Variants in ALK observed in about 807,000 individuals in gnomAD.
The protein encoded by ALK is ALK tyrosine kinase receptor.
In ALK, 74 loss-of-function variants were observed where a neutral mutation model predicts 163.1. The ratio of observed to expected loss-of-function variants is 0.45; its 90% CI spans 0.38 to 0.55. The LOEUF (loss-of-function observed/expected upper bound fraction) is 0.55, where lower values mean the gene tolerates loss of function less well. ALK is among the 20% of genes least tolerant of loss of function. The pLI, the probability that ALK is intolerant of heterozygous loss-of-function variation, is 0.00. For synonymous variants in ALK, 960 were observed against 843.2 expected (o/e 1.14, Z -2.40); for missense variants, 2,063 against 2,105.3 (o/e 0.98, Z 0.39).
At chr2:29,514,871 G>T (rs191172761) in intron 4 of ALK, among the ~76,000 whole-genome samples, 341 of 152,172 alleles carry the variant, frequency 2.2e-3, no homozygotes, top group African/African-American at 7.7e-3. Flanking sequence ...TGCTGCAAAG[G>T]TCTGGGGTTC....
intron 4 of ALK, among the ~76,000 whole-genome samples, chr2:29,445,141 C>T (rs1054564676): frequency 6.6e-6 from 1 of 152,208 alleles, no homozygotes. Flanking sequence ...AAAATCTGGC[C>T]TGACCTGCAC....
intron 28 of ALK, 48 bp from the exon 29 acceptor site, chr2:29,193,970 T>G: frequency 6.4e-7 from 1 of 1,573,996 alleles, no homozygotes; most frequent in African/African-American, 1.3e-5. Context: ...ACAAAAAATG[T>G]TGGATCTAGA....
At chr2:29,910,474 A>G (rs369220527) in intron 1 of ALK, among the ~76,000 whole-genome samples, 37 of 152,338 alleles carry the variant, frequency 2.4e-4, no homozygotes, top group African/African-American at 8.4e-4. Flanking sequence ...GATGAAAAAT[A>G]TAAAGAGAAC....
intron 5 of ALK, among the ~76,000 whole-genome samples, chr2:29,375,608 C>A (rs1668735841): frequency 6.6e-6 from 1 of 152,090 alleles, no homozygotes; most frequent in Non-Finnish European, 1.5e-5. Context: ...TGAGCCACTG[C>A]GCCTGGCCTA....
chr2:29,708,384 C>A (rs957602514), intron 2 of ALK, among the ~76,000 whole-genome samples: 9 of 152,274 alleles, frequency 5.9e-5, no homozygotes, highest in African/African-American at 2.2e-4. Flanking sequence ...AAGATTTAAA[C>A]AGGCAATGCA....
At chr2:29,835,713 T>C (rs1665541144) in intron 1 of ALK, among the ~76,000 whole-genome samples, 1 of 152,178 alleles carries the variant, frequency 6.6e-6, no homozygotes, top group African/African-American at 2.4e-5. Flanking sequence ...ATGTGGGTGG[T>C]ATCCCCCATA....
intron 25 of ALK, 127 bp downstream of exon 25, chr2:29,209,659 G>A: frequency 1.4e-6 from 1 of 693,826 alleles, no homozygotes. Context: ...AAGGAACTTA[G>A]TGAAATTTTA....
chr2:29,900,086 C>G (rs541866086), intron 1 of ALK, among the ~76,000 whole-genome samples: 7 of 152,370 alleles, frequency 4.6e-5, no homozygotes, highest in African/African-American at 7.2e-5. Flanking sequence ...CTGACCTGAC[C>G]TGAGAGCATT....
intron 1 of ALK, among the ~76,000 whole-genome samples, chr2:29,889,088 CTT>C (rs1294400913): frequency 6.6e-6 from 1 of 152,134 alleles, no homozygotes; most frequent in Non-Finnish European, 1.5e-5. Context: ...CAAAAAGTGA[CTT>C]TGAATATAAA....
At chr2:29,559,540 A>C (rs1407822449) in intron 3 of ALK, among the ~76,000 whole-genome samples, 1 of 152,192 alleles carries the variant, frequency 6.6e-6, no homozygotes, top group African/African-American at 2.4e-5. Context: ...ATGAGGTTCT[A>C]TATCTTCATT....
At chr2:29,397,393 G>T (rs1251004081) in intron 4 of ALK, among the ~76,000 whole-genome samples, 1 of 152,142 alleles carries the variant, frequency 6.6e-6, no homozygotes, top group African/African-American at 2.4e-5. Flanking sequence ...TTCCTCACAG[G>T]CCTCAGAAGG....
chr2:29,397,090 G>A (rs1256379980), intron 4 of ALK, among the ~76,000 whole-genome samples: 1 of 151,910 alleles, frequency 6.6e-6, no homozygotes, highest in African/African-American at 2.4e-5. Flanking sequence ...TTTGAATTGT[G>A]ACTCACTCAA....
intron 3 of ALK, among the ~76,000 whole-genome samples, chr2:29,535,276 T>C (rs1311069080): frequency 6.6e-6 from 1 of 152,238 alleles, no homozygotes; most frequent in Non-Finnish European, 1.5e-5. Context: ...ATGTTTCTTT[T>C]ATTATGCATC....
chr2:29,195,476 G>T lies in ALK; in HGVS notation c.4164+1294C>A, dbSNP rs143022261. ...TTTAAAGAAATAGTAGGTAGGCCAGGTGTGGCAGCACTTTGGGAGGCCGAG... is the reference window on the plus strand; with the variant it reads ...TTTAAAGAAATAGTAGGTAGGCCAGTTGTGGCAGCACTTTGGGAGGCCGAG... On this transcript the variant is annotated intron_variant, in intron 28 of 28. Transcript: ENST00000389048. Among the ~76,000 whole-genome samples the T allele has an allele frequency of 4.9e-4, 74 of 152,254 alleles. No homozygotes were observed. In the East Asian group the frequency reaches 0.013, roughly 26 times the overall value.
intron 5 of ALK, among the ~76,000 whole-genome samples, chr2:29,356,772 C>G (rs1428167863): frequency 6.6e-6 from 1 of 152,216 alleles, no homozygotes; most frequent in Non-Finnish European, 1.5e-5. Flanking sequence ...CATCTGGGCC[C>G]TGCACACAGC....
Position 29,200,752 on chromosome 2 carries a change from C to CGT in ALK, c.3939-3078_3939-3077dup, listed in dbSNP as rs1558608630. On this transcript the variant is annotated intron_variant, in intron 26 of 28. Transcript: ENST00000389048. ...ATGTATATATATACGTATATATATA[C>CGT]GTATATATGTATATATATACGTATA... 2.2e-4 allele frequency among the ~76,000 whole-genome samples: 15 copies of CGT among 67,300 alleles called. No individual in the cohort carries two copies. In the South Asian group the frequency reaches 3.6e-3, roughly 16 times the overall value. The allele number at this position is 67,300 out of a possible 152,430, so 44.2% of individuals were successfully genotyped here.
chr2:29,502,156 G>A (rs1672204977), intron 4 of ALK, among the ~76,000 whole-genome samples: 1 of 152,124 alleles, frequency 6.6e-6, no homozygotes, highest in African/African-American at 2.4e-5. Flanking sequence ...GAATAAAACA[G>A]GCATCATCCC....
intron 8 of ALK, among the ~76,000 whole-genome samples, chr2:29,302,581 A>G (rs1666402321): frequency 6.6e-6 from 1 of 152,244 alleles, no homozygotes; most frequent in Non-Finnish European, 1.5e-5. Flanking sequence ...TGTTTATAGC[A>G]GAAGACACTC....
chr2:29,622,918 T>G (rs759754633), intron 3 of ALK, among the ~76,000 whole-genome samples: 1 of 152,200 alleles, frequency 6.6e-6, no homozygotes, highest in Non-Finnish European at 1.5e-5. Context: ...AATTGTTCAT[T>G]TGGTTTCCAG....
Sources: allele counts gnomAD v4.1 joint callset (sites outside exome capture counted in the v4.1 genomes callset), GRCh38; gene constraint gnomAD v4.1.1; transcripts MANE v1.5; gene names NCBI Gene and HGNC (gene_info 2026-07-23, HGNC 2026-07-21).